The following ABHD2 variants were observed in gnomAD, a reference collection of about 807,000 sequenced individuals.
ABHD2 encodes the protein monoacylglycerol lipase ABHD2.
A neutral mutation model predicts 48.1 loss-of-function variants in ABHD2; 20 were observed. The ratio of observed to expected loss-of-function variants is 0.42; its 90% confidence interval spans 0.29 to 0.60. The LOEUF (loss-of-function observed/expected upper bound fraction) is 0.60, where lower values mean the gene tolerates loss of function less well. Among genes scored for constraint, ABHD2 ranks in the 20% least tolerant of loss-of-function variants. ABHD2 has a pLI of 0.24. For synonymous variants in ABHD2, 209 were observed against 214.2 expected (o/e 0.98, Z 0.21); for missense variants, 405 against 550.9 (o/e 0.74, Z 2.65).
intron 5 of ABHD2, among the ~76,000 whole-genome samples, chr15:89,170,865 C>T (rs917064134): frequency 1.3e-5 from 2 of 152,172 alleles, no homozygotes; most frequent in African/African-American, 4.8e-5. Context: ...CACCTGTAAT[C>T]CCAGCACTTT....
rs1297574052 is a variant in ABHD2, at chr15:89,184,375, C to T, written c.723-1049C>T. On this transcript the variant is annotated intron_variant, in intron 6 of 10. Coordinates refer to ENST00000352732, the MANE Select transcript of ABHD2 (RefSeq NM_152924.5). The surrounding 1 kb of genome is among the most constrained non-coding windows in gnomAD (Gnocchi z 5.1). ...ACAAACCACCTGGTCCCCTCACTTA[C>T]CATCTGGAAGATGGAACCTAGTAGA... Among the ~76,000 whole-genome samples the T allele has an allele frequency of 6.6e-6, 1 of 152,210 alleles. No individual in the cohort carries two copies. Among genetic ancestry groups the T allele is most frequent in the Non-Finnish European group, 1.5e-5 (1 of 68,046 alleles).
the ABHD2 span, among the ~76,000 whole-genome samples, chr15:89,063,191 C>T: frequency 6.6e-5 from 10 of 152,118 alleles, no homozygotes; most frequent in Non-Finnish European, 7.4e-5. Flanking sequence ...TGGTCTTGAA[C>T]TGCTGGCCTC....
chr15:89,077,330 G>A, the ABHD2 span, among the ~76,000 whole-genome samples: 1 of 152,214 alleles, frequency 6.6e-6, no homozygotes, highest in Non-Finnish European at 1.5e-5. Context: ...CATTCCCAAT[G>A]CTGCATAGTA....
At chr15:89,068,103 C>T in the ABHD2 span, among the ~76,000 whole-genome samples, 3 of 152,110 alleles carry the variant, frequency 2.0e-5, no homozygotes, top group African/African-American at 7.2e-5. Context: ...CCCTCAGGGT[C>T]TCCCACAGAG....
intron 3 of ABHD2, among the ~76,000 whole-genome samples, chr15:89,128,518 T>G (rs989179806): frequency 6.6e-6 from 1 of 152,242 alleles, no homozygotes; most frequent in Non-Finnish European, 1.5e-5. Context: ...TCTTGTCTCC[T>G]AATTCCATGG....
Position 89,120,073 on chromosome 15 carries a change from G to A in ABHD2, c.194+3552G>A, listed in dbSNP as rs1025729949. On this transcript the variant is annotated intron_variant, in intron 3 of 10. Transcript: ENST00000352732. The surrounding 1 kb of genome is among the most constrained non-coding windows in gnomAD (Gnocchi z 4.2). ...CAGGACGTGTCTTCTTACTGTTCTG[G>A]TATAGAAAAAAAGTTGATGAAAGGT... Among the ~76,000 whole-genome samples the A allele has an allele frequency of 4.6e-5, 7 of 152,266 alleles. No individual in the cohort carries two copies. In the East Asian group the frequency reaches 9.6e-4, roughly 21 times the overall value.
the ABHD2 span, among the ~76,000 whole-genome samples, chr15:89,051,574 A>G: frequency 3.6e-4 from 55 of 152,282 alleles, no homozygotes; most frequent in African/African-American, 6.7e-4. Context: ...AGCTCCCACA[A>G]TTCCCACATG....
At chr15:89,128,408 C>A (rs1008193313) in intron 3 of ABHD2, among the ~76,000 whole-genome samples, 1 of 152,164 alleles carries the variant, frequency 6.6e-6, no homozygotes, top group African/African-American at 2.4e-5. Flanking sequence ...GTCCTGTGGG[C>A]CTTCCAACCA....
chr15:89,187,786 G>A (rs535118013), intron 7 of ABHD2, among the ~76,000 whole-genome samples: 31 of 152,278 alleles, frequency 2.0e-4, no homozygotes, highest in African/African-American at 7.0e-4. Context: ...CCTGCACACT[G>A]AGTCTTCCTT....
Position 89,143,615 on chromosome 15 carries a change from C to T in ABHD2, c.195-8062C>T, listed in dbSNP as rs569998161. Among the ~76,000 whole-genome samples, 11 of 151,268 alleles carry T rather than the reference C, an allele frequency of 7.3e-5. No homozygotes were observed. In the South Asian group the frequency reaches 1.7e-3, roughly 23 times the overall value. Reference sequence around the variant, plus strand: ...CCAGGAGGCGGAGGTTGCAGTGAGCCGAAATTGCACCGAGCTGAGATTGCG... The same window carrying T: ...CCAGGAGGCGGAGGTTGCAGTGAGCTGAAATTGCACCGAGCTGAGATTGCG... On this transcript the variant is annotated intron_variant, in intron 3 of 10. Coordinates refer to ENST00000352732, the MANE Select transcript of ABHD2 (RefSeq NM_152924.5).
intron 3 of ABHD2, among the ~76,000 whole-genome samples, chr15:89,149,557 A>G (rs528626103): frequency 1.3e-5 from 2 of 152,228 alleles, no homozygotes; most frequent in African/African-American, 4.8e-5. Context: ...TAATCAAGTC[A>G]CCTGGATGTT....
At position 89,094,520 on chromosome 15, in the gene ABHD2, C is replaced by A. The variant is rs1475106439; in HGVS notation, c.-107+5957C>A. 2.0e-5 allele frequency among the ~76,000 whole-genome samples: 3 copies of A among 151,810 alleles called. No individual in the cohort carries two copies. The highest frequency in any genetic ancestry group is 4.4e-5 in the Non-Finnish European group (3 of 67,954). ...GTCAGGAGTTTGAGATCTGCCTGAT[C>A]AACATGGTGAAACCCCGTCTCTACT... On this transcript the variant is annotated intron_variant, in intron 1 of 10. Coordinates refer to ENST00000352732, the MANE Select transcript of ABHD2 (RefSeq NM_152924.5). This position sits in a 1 kb window ranked among gnomAD's most constrained non-coding sequence, Gnocchi z 4.7.
chr15:89,073,873 G>A, the ABHD2 span, among the ~76,000 whole-genome samples: 10 of 152,130 alleles, frequency 6.6e-5, no homozygotes, highest in Non-Finnish European at 1.3e-4. Flanking sequence ...CCACCCCAGC[G>A]TTTTTTACTT....
the ABHD2 span, among the ~76,000 whole-genome samples, chr15:89,061,677 A>G: frequency 6.6e-6 from 1 of 151,984 alleles, no homozygotes; most frequent in Non-Finnish European, 1.5e-5. Flanking sequence ...AGTTCAAGCC[A>G]TCCTCCCACC....
At chr15:89,135,552 A>G in intron 3 of ABHD2, 1 of 1,435,860 alleles carries the variant, frequency 7.0e-7, no homozygotes, top group Non-Finnish European at 9.6e-7. Context: ...CTTATTCATC[A>G]TCATCTTCAT....
chr15:89,129,557 T>C (rs905999372), intron 3 of ABHD2, among the ~76,000 whole-genome samples: 15 of 152,012 alleles, frequency 9.9e-5, no homozygotes, highest in African/African-American at 3.6e-4. Flanking sequence ...GCCAAATTGA[T>C]TGAAGGTTTT....
intron 1 of ABHD2, among the ~76,000 whole-genome samples, chr15:89,105,884 T>C (rs1437305137): frequency 6.6e-6 from 1 of 151,390 alleles, no homozygotes; most frequent in African/African-American, 2.4e-5. Flanking sequence ...TTTTAAACAA[T>C]AGAGACGGAG....
chr15:89,056,103 A>G, the ABHD2 span, among the ~76,000 whole-genome samples: 1 of 151,674 alleles, frequency 6.6e-6, no homozygotes, highest in Non-Finnish European at 1.5e-5. Flanking sequence ...TCCTCTGACC[A>G]CAGACTCCCA....
chr15:89,176,085 G>A lies in ABHD2; in HGVS notation c.722+90G>A, dbSNP rs1340617166. 3.6e-5 allele frequency: 48 copies of A among 1,348,956 alleles called. No individual in the cohort carries two copies. Among genetic ancestry groups the A allele is most frequent in the East Asian group, 3.1e-4 (13 of 41,768 alleles). 83.6% of individuals were successfully genotyped at this position (1,348,956 alleles called of 1,614,324 possible). ...CACAACACACTGTTCTGTGAAGACC[G>A]GGGAACACTGTGGCCGACTGAGTAG... On this transcript the variant is annotated intron_variant, in intron 6 of 10. Coordinates refer to ENST00000352732, the MANE Select transcript of ABHD2 (RefSeq NM_152924.5). This position sits in a 1 kb window ranked among gnomAD's most constrained non-coding sequence, Gnocchi z 4.5.
Sources: allele counts gnomAD v4.1 joint callset (sites outside exome capture counted in the v4.1 genomes callset), GRCh38; gene constraint gnomAD v4.1.1; non-coding constraint Gnocchi (gnomAD v3.1); transcripts MANE v1.5; gene names NCBI Gene and HGNC (gene_info 2026-07-23, HGNC 2026-07-21).